The following DGKB variants were observed in gnomAD, a reference collection of about 807,000 sequenced individuals.
DGKB encodes diacylglycerol kinase beta.
Under a neutral mutation model 114.3 loss-of-function variants are expected in DGKB, and 67 were observed. The ratio of observed to expected loss-of-function variants is 0.59; its 90% CI spans 0.48 to 0.72. DGKB has a LOEUF of 0.72. Among genes scored for constraint, DGKB ranks in the 30% least tolerant of loss-of-function variants. The pLI is 0.00. For synonymous variants in DGKB, 398 were observed against 323.1 expected (o/e 1.23, Z -2.49); for missense variants, 907 against 975.2 (o/e 0.93, Z 0.93).
At chr7:14,498,616 T>A (rs1785653269) in intron 20 of DGKB, among the ~76,000 whole-genome samples, 1 of 151,784 alleles carries the variant, frequency 6.6e-6, no homozygotes, top group South Asian at 2.1e-4. Context: ...GGGGAATTGC[T>A]AATTTAGTTG....
intron 21 of DGKB, among the ~76,000 whole-genome samples, chr7:14,354,585 T>C (rs1317064557): frequency 6.6e-6 from 1 of 152,098 alleles, no homozygotes; most frequent in Non-Finnish European, 1.5e-5. Flanking sequence ...TAAATTGAGA[T>C]CAAGTGCTAT....
chr7:14,480,232 C>A (rs925958727), intron 20 of DGKB, among the ~76,000 whole-genome samples: 2 of 151,830 alleles, frequency 1.3e-5, no homozygotes, highest in African/African-American at 4.8e-5. Context: ...ACTACATAGC[C>A]AAAGATAGAA....
chr7:14,909,136 T>C (rs1783855614), intron 1 of DGKB, among the ~76,000 whole-genome samples: 1 of 152,200 alleles, frequency 6.6e-6, no homozygotes, highest in South Asian at 2.1e-4. Context: ...TGGCTTTCTA[T>C]TGTACATTTC....
At chr7:14,308,473 A>C (rs568919371) in intron 23 of DGKB, among the ~76,000 whole-genome samples, 1 of 152,352 alleles carries the variant, frequency 6.6e-6, no homozygotes, top group African/African-American at 2.4e-5. Context: ...GAATATTCAA[A>C]TTACAAATGA....
At chr7:14,918,834 G>C (rs1269391779) in intron 1 of DGKB, among the ~76,000 whole-genome samples, 1 of 151,988 alleles carries the variant, frequency 6.6e-6, no homozygotes, top group Non-Finnish European at 1.5e-5. Flanking sequence ...GGAGGCCGAG[G>C]GGGGCGGATC....
At chr7:14,903,212 A>AGTGTGTGTGTGTGTGTGTGTGTGTGTGT, upstream of DGKB, 1 of 137,500 alleles carries the variant, frequency 7.3e-6, no homozygotes, top group African/African-American at 2.8e-5. Flanking sequence ...AAGTCTGTGC[A>AGTGTGTGTGTGTGTGTGTGTGTGTGTGT]GTGTGTGTGT....
chr7:14,650,178 A>G (rs1814130172), intron 13 of DGKB, among the ~76,000 whole-genome samples: 1 of 123,904 alleles, frequency 8.1e-6, no homozygotes, highest in African/African-American at 3.2e-5. Flanking sequence ...TCCACCCCAA[A>G]TCAACAGAAT....
rs763127417 is a variant in DGKB at position 14,841,242 on chromosome 7, C to G, written c.22G>C (p.Ala8Pro). ...GAAAATTCCGAAGGGCTGAGGTGGGCCCATTTTTCCTGGTTTGTCATGGTG... is the reference window on the plus strand; with the variant it reads ...GAAAATTCCGAAGGGCTGAGGTGGGGCCATTTTTCCTGGTTTGTCATGGTG... MTNQEKW[A>P]HLSPSEFSQL... Residue 8 changes from alanine to proline, a missense_variant, in exon 2 of 26, where the codon GCC becomes CCC. Ala to Pro is a conservative substitution (Grantham distance 27). Around this residue, in one of 3 missense-constraint regions of DGKB, gnomAD observed 814 missense variants for 856.6 expected, o/e 0.95. Transcript: ENST00000402815. 1.9e-6 allele frequency: 3 copies of G among 1,613,422 alleles called. No homozygotes were observed. The highest frequency in any genetic ancestry group is 2.5e-6 in the Non-Finnish European group (3 of 1,179,654).
chr7:14,656,600 C>T (rs1055099738), intron 13 of DGKB, among the ~76,000 whole-genome samples: 6 of 151,294 alleles, frequency 4.0e-5, no homozygotes, highest in African/African-American at 1.5e-4. Context: ...GCTGAACTTC[C>T]AATTCATGTC....
intron 1 of DGKB, among the ~76,000 whole-genome samples, chr7:14,950,473 T>C (rs983961327): frequency 2.6e-5 from 4 of 151,882 alleles, no homozygotes; most frequent in Non-Finnish European, 5.9e-5. Context: ...TCCATAAACT[T>C]TTTTATTTAT....
intron 2 of DGKB, among the ~76,000 whole-genome samples, chr7:14,772,784 C>A (rs924659803): frequency 6.6e-6 from 1 of 152,058 alleles, no homozygotes. Context: ...AGAGTCAAAA[C>A]CACCAGGAGG....
chr7:14,176,778 T>G, intron 25 of DGKB, 61 bp downstream of exon 25: 1 of 1,567,364 alleles, frequency 6.4e-7, no homozygotes, highest in Non-Finnish European at 8.7e-7. Flanking sequence ...ATTGTGGTTA[T>G]TTAGTCAAAG....
chr7:14,932,114 AG>A (rs951988966), intron 1 of DGKB, among the ~76,000 whole-genome samples: 2 of 152,148 alleles, frequency 1.3e-5, no homozygotes, highest in Admixed American at 6.5e-5. Flanking sequence ...TACCCAAGTT[AG>A]GCTTATAGCT....
chr7:14,416,321 T>C (rs1289577135), intron 21 of DGKB, among the ~76,000 whole-genome samples: 1 of 152,178 alleles, frequency 6.6e-6, no homozygotes, highest in Non-Finnish European at 1.5e-5. Flanking sequence ...GGATAACTTC[T>C]GAAATTTTGG....
chr7:14,799,343 A>T (rs1347926797), intron 2 of DGKB, among the ~76,000 whole-genome samples: 1 of 152,202 alleles, frequency 6.6e-6, no homozygotes, highest in African/African-American at 2.4e-5. Context: ...AATTTAGTTA[A>T]CAGGGATCTT....
intron 23 of DGKB, among the ~76,000 whole-genome samples, chr7:14,200,212 A>G (rs1423956476): frequency 6.6e-6 from 1 of 152,020 alleles, no homozygotes; most frequent in African/African-American, 2.4e-5. Flanking sequence ...AAATGTTATA[A>G]AAACACAATA....
At chr7:14,674,741 G>A (rs908788564) in intron 12 of DGKB, among the ~76,000 whole-genome samples, 1 of 152,060 alleles carries the variant, frequency 6.6e-6, no homozygotes, top group Admixed American at 6.6e-5. Context: ...GATAACATAG[G>A]TCGATATCTG....
chr7:14,930,924 G>C (rs558994855), intron 1 of DGKB, among the ~76,000 whole-genome samples: 2 of 152,122 alleles, frequency 1.3e-5, no homozygotes, highest in Admixed American at 6.5e-5. Flanking sequence ...AAGGTATGTT[G>C]AATTTTATAG....
intron 1 of DGKB, among the ~76,000 whole-genome samples, chr7:14,943,192 G>C (rs928997302): frequency 3.3e-5 from 5 of 151,622 alleles, no homozygotes; most frequent in African/African-American, 1.2e-4. Flanking sequence ...TCTATCTGTT[G>C]TGTTATAACA....
Sources: gnomAD v4.1 joint callset for allele counts (sites outside exome capture counted in the v4.1 genomes callset) on GRCh38, gnomAD v4.1.1 for gene constraint, gnomAD v4.1.1 regional missense constraint, MANE v1.5 for transcripts, NCBI Gene and HGNC (gene_info 2026-07-23, HGNC 2026-07-21) for gene names.